SMARCA5: variants seen among roughly 807,000 people sequenced by gnomAD.
SMARCA5 encodes the protein SWI/SNF-related matrix-associated actin-dependent regulator of chromatin subfamily A member 5.
In SMARCA5, 18 loss-of-function variants were observed where a neutral mutation model predicts 140.4. The observed-to-expected ratio is 0.13, with a 90% confidence interval of 0.09 to 0.19. The LOEUF (loss-of-function observed/expected upper bound fraction) is 0.19, where lower values mean the gene tolerates loss of function less well. Ranked by LOEUF, SMARCA5 falls within the 10% of genes least tolerant of loss-of-function variation. The pLI is 1.00. For missense variants in SMARCA5, 606 were observed against 1,276.8 expected (o/e 0.47, Z 8.01); for synonymous variants, 449 against 419.6 (o/e 1.07, Z -0.86).
At chr4:143,544,690 C>G (rs780136785) in intron 16 of SMARCA5, 47 bp from the exon 17 acceptor site, 2 of 980,238 alleles carry the variant, frequency 2.0e-6, no homozygotes, top group African/African-American at 1.6e-5. Context: ...TGATTTGTTA[C>G]TGTGTATAAT....
chr4:143,519,194 G>C (rs1226424875), intron 2 of SMARCA5, among the ~76,000 whole-genome samples: 2 of 151,972 alleles, frequency 1.3e-5, no homozygotes, highest in Admixed American at 6.6e-5. Flanking sequence ...TCTTACTTGA[G>C]AATATCCAAA....
intron 22 of SMARCA5, among the ~76,000 whole-genome samples, chr4:143,549,049 T>C (rs1286376701): frequency 1.3e-5 from 2 of 152,110 alleles, no homozygotes; most frequent in Admixed American, 6.6e-5. Flanking sequence ...ATCCAGTTGC[T>C]GAAAGCTTAT....
chr4:143,517,502 A>T, intron 2 of SMARCA5, 73 bp downstream of exon 2: 1 of 836,296 alleles, frequency 1.2e-6, no homozygotes, highest in Non-Finnish European at 1.9e-6. Flanking sequence ...CTAAACATCT[A>T]TCTTAGTCCA....
intron 1 of SMARCA5, among the ~76,000 whole-genome samples, chr4:143,516,171 G>A (rs1176223896): frequency 7.2e-6 from 1 of 139,770 alleles, no homozygotes; most frequent in Non-Finnish European, 1.6e-5. Context: ...GATCTAAGGT[G>A]TTTTTCTAAA....
chr4:143,531,150 A>T (rs1737175755), intron 9 of SMARCA5, among the ~76,000 whole-genome samples: 1 of 152,192 alleles, frequency 6.6e-6, no homozygotes, highest in Non-Finnish European at 1.5e-5. Context: ...GCTTAGTTCA[A>T]TTTACATTCC....
At chr4:143,535,272 A>G (rs952668608) in intron 10 of SMARCA5, among the ~76,000 whole-genome samples, 3 of 152,176 alleles carry the variant, frequency 2.0e-5, no homozygotes, top group Non-Finnish European at 4.4e-5. Context: ...GTGATAGCAC[A>G]GTGTGGGAGA....
intron 3 of SMARCA5, 113 bp downstream of exon 3, chr4:143,521,708 A>T: frequency 1.0e-6 from 1 of 964,682 alleles, no homozygotes; most frequent in Non-Finnish European, 1.5e-6. Flanking sequence ...GCCATTATTT[A>T]TTTGGCCCTG....
chr4:143,547,017 G>A (rs1737538263), intron 20 of SMARCA5, 109 bp downstream of exon 20: 2 of 929,944 alleles, frequency 2.2e-6, no homozygotes, highest in Non-Finnish European at 3.1e-6. Context: ...AGTGTAGTTA[G>A]TACCTTCTTC....
intron 13 of SMARCA5, among the ~76,000 whole-genome samples, chr4:143,539,402 A>G (rs1401660620): frequency 6.6e-6 from 1 of 152,220 alleles, no homozygotes; most frequent in Non-Finnish European, 1.5e-5. Flanking sequence ...GTTATTTAAA[A>G]GAACACCTGT....
At chr4:143,521,028 A>G (rs893334979) in intron 2 of SMARCA5, among the ~76,000 whole-genome samples, 3 of 152,234 alleles carry the variant, frequency 2.0e-5, no homozygotes, top group Non-Finnish European at 4.4e-5. Flanking sequence ...AACTGTATTG[A>G]AGTATAATTG....
chr4:143,551,792 A>G (rs1737645466), intron 23 of SMARCA5, among the ~76,000 whole-genome samples: 1 of 152,092 alleles, frequency 6.6e-6, no homozygotes, highest in African/African-American at 2.4e-5. Flanking sequence ...CTATACCAGC[A>G]CCATGCTGTT....
At chr4:143,546,989 AT>A (rs1737537806) in intron 20 of SMARCA5, 81 bp downstream of exon 20, 1 of 1,359,664 alleles carries the variant, frequency 7.4e-7, no homozygotes. Flanking sequence ...TTATGTTGTG[AT>A]TAGCTAATTT....
At chr4:143,526,063 C>T (rs189885752) in intron 5 of SMARCA5, among the ~76,000 whole-genome samples, 9 of 152,264 alleles carry the variant, frequency 5.9e-5, no homozygotes, top group Admixed American at 1.3e-4. Flanking sequence ...GTCACTTAAA[C>T]GGGGCCTTAT....
intron 22 of SMARCA5, 133 bp from the exon 23 acceptor site, chr4:143,549,864 G>GT: frequency 3.8e-6 from 2 of 530,902 alleles, no homozygotes; most frequent in Non-Finnish European, 3.4e-6. Context: ...ATGAAAATCA[G>GT]TTGTTTTTTT....
intron 5 of SMARCA5, 86 bp from the exon 6 acceptor site, chr4:143,526,195 T>C: frequency 1.8e-6 from 2 of 1,084,764 alleles, no homozygotes; most frequent in Non-Finnish European, 2.7e-6. Context: ...AGCATTTCTT[T>C]TGAACATTTC....
intron 16 of SMARCA5, chr4:143,544,283 G>C (rs1578803709): frequency 1.1e-5 from 2 of 186,086 alleles, no homozygotes; most frequent in East Asian, 2.8e-4. Flanking sequence ...GAATTGGCTG[G>C]TAATAAAGGG....
At position 143,556,239 on chromosome 4, in the gene SMARCA5, T is replaced by C. The variant is rs535316453; in HGVS notation, c.*3055T>C. Reference sequence around the variant, plus strand: ...CCATCTGCCCTTTGAGTATTTAATATATGCCGATTGTTTGAACTAATCTGG... The same window carrying C: ...CCATCTGCCCTTTGAGTATTTAATACATGCCGATTGTTTGAACTAATCTGG... On this transcript the variant is annotated 3_prime_UTR_variant, in exon 24 of 24. Transcript: ENST00000283131. 16 of 152,324 alleles carry C rather than the reference T, an allele frequency of 1.1e-4. No individual in the cohort carries two copies. Among genetic ancestry groups the C allele is most frequent in the African/African-American group, 3.1e-4 (13 of 41,564 alleles). The allele number at this position is 152,324 out of a possible 1,614,324, so 9.4% of individuals were successfully genotyped here. A position where few individuals can be genotyped will look rare whatever the true frequency, so the allele number is the denominator to read the frequency against.
chr4:143,538,387 A>G (rs1737358247), intron 11 of SMARCA5, among the ~76,000 whole-genome samples: 1 of 152,164 alleles, frequency 6.6e-6, no homozygotes, highest in Admixed American at 6.6e-5. Context: ...TTTCTGTACA[A>G]ATGTTACCCT....
chr4:143,519,515 A>G (rs954733102), intron 2 of SMARCA5, among the ~76,000 whole-genome samples: 3 of 152,010 alleles, frequency 2.0e-5, no homozygotes, highest in African/African-American at 4.8e-5. Context: ...GGCTCTCTAC[A>G]ATGCTTTTCA....
Sources: allele counts gnomAD v4.1 joint callset (sites outside exome capture counted in the v4.1 genomes callset), GRCh38; gene constraint gnomAD v4.1.1; transcripts MANE v1.5; gene names NCBI Gene and HGNC (gene_info 2026-07-23, HGNC 2026-07-21).